Variants in PCDH15 observed in about 807,000 individuals in gnomAD.
PCDH15 encodes protocadherin-15.
A neutral mutation model predicts 178.5 loss-of-function variants in PCDH15; 129 were observed. The observed-to-expected ratio is 0.72, with a 90% CI of 0.63 to 0.84. PCDH15 has a LOEUF of 0.84. PCDH15 is among the 40% of genes least tolerant of loss of function. The pLI is 0.00. For synonymous variants in PCDH15, 800 were observed against 732.0 expected (o/e 1.09, Z -1.50); for missense variants, 2,230 against 2,099.9 (o/e 1.06, Z -1.21).
intron 18 of PCDH15, among the ~76,000 whole-genome samples, chr10:54,025,291 C>G (rs1467151066): frequency 6.6e-6 from 1 of 152,068 alleles, no homozygotes; most frequent in Non-Finnish European, 1.5e-5. Context: ...CTCTATAGGT[C>G]AAAAATTCAA....
chr10:54,429,555 A>T (rs9416337), intron 3 of PCDH15, among the ~76,000 whole-genome samples: 8,038 of 150,670 alleles, frequency 0.053, 717 homozygotes, highest in African/African-American at 0.19. Flanking sequence ...GAATGGATTT[A>T]AAAAAAAAGA....
intron 3 of PCDH15, among the ~76,000 whole-genome samples, chr10:54,421,730 ATATATACACAC>A (rs199969784): frequency 0.23 from 27,247 of 119,320 alleles, 4,117 homozygotes; most frequent in African/African-American, 0.37. Flanking sequence ...TTTTTGTGTT[ATATATACACAC>A]TATATACACA....
chr10:55,219,948 T>C (rs1935331036), intron 1 of PCDH15, among the ~76,000 whole-genome samples: 1 of 151,384 alleles, frequency 6.6e-6, no homozygotes, highest in South Asian at 2.1e-4. Flanking sequence ...TCAATAAATG[T>C]TCTATTTATA....
At chr10:55,466,844 C>A (rs931753248) in intron 2 of PCDH15, among the ~76,000 whole-genome samples, 1 of 152,186 alleles carries the variant, frequency 6.6e-6, no homozygotes, top group African/African-American at 2.4e-5. Context: ...TATGGGCAAT[C>A]TTTGTCAAGT....
intron 1 of PCDH15, chr10:55,319,528 A>G (rs1207451465): frequency 1.3e-5 from 2 of 152,232 alleles, no homozygotes; most frequent in Non-Finnish European, 2.9e-5. Context: ...ACGCACTCCA[A>G]GCAGATCTTC....
At chr10:55,011,765 T>A (rs1296751865) in intron 2 of PCDH15, among the ~76,000 whole-genome samples, 1 of 151,792 alleles carries the variant, frequency 6.6e-6, no homozygotes, top group Non-Finnish European at 1.5e-5. Context: ...TCAAAGAAAA[T>A]TTTAAACATC....
At chr10:55,035,336 T>C (rs1352900856) in intron 2 of PCDH15, among the ~76,000 whole-genome samples, 2 of 152,130 alleles carry the variant, frequency 1.3e-5, no homozygotes, top group African/African-American at 4.8e-5. Flanking sequence ...AAATAAAAAC[T>C]TCCTGGGCAT....
At chr10:54,746,368 AC>A (rs1945462612) in intron 1 of PCDH15, among the ~76,000 whole-genome samples, 1 of 570 alleles carries the variant, frequency 1.8e-3, no homozygotes, top group Non-Finnish European at 0.5. Context: ...GTACAAACAT[AC>A]AGTTAGATGA....
At chr10:54,621,886 T>G (rs1348371551) in intron 2 of PCDH15, among the ~76,000 whole-genome samples, 31 of 152,068 alleles carry the variant, frequency 2.0e-4, no homozygotes, top group Admixed American at 2.0e-3. Context: ...GGAAGAAACA[T>G]TAGAGAAAGG....
intron 32 of PCDH15, among the ~76,000 whole-genome samples, chr10:53,824,723 TAAAC>T (rs781733285): frequency 4.6e-5 from 7 of 152,098 alleles, no homozygotes; most frequent in Non-Finnish European, 8.8e-5. Flanking sequence ...GTTGTTTTTG[TAAAC>T]AAACATTTGT....
chr10:54,325,695 G>T (rs991138080), intron 7 of PCDH15, among the ~76,000 whole-genome samples: 4 of 152,044 alleles, frequency 2.6e-5, no homozygotes, highest in Non-Finnish European at 4.4e-5. Context: ...GTTGCAGTAA[G>T]CTGAGATCAT....
At chr10:54,703,239 G>C (rs562585930) in intron 1 of PCDH15, among the ~76,000 whole-genome samples, 2 of 151,998 alleles carry the variant, frequency 1.3e-5, no homozygotes, top group Admixed American at 1.3e-4. Flanking sequence ...AAAATAGTAA[G>C]AGCCGTCTAT....
At position 54,277,302 on chromosome 10, in the gene PCDH15, T is replaced by A. The variant is rs375989009; in HGVS notation, c.876+39969A>T. On this transcript the variant is annotated intron_variant, in intron 8 of 37. Coordinates refer to ENST00000644397, the MANE Select transcript of PCDH15 (RefSeq NM_001384140.1). ...ATGAATCCTAAAATATATGATATAG[T>A]CTTAGTGATCATTGGGTGAGTGGCA... Among the ~76,000 whole-genome samples the A allele has an allele frequency of 1.1e-3, 168 of 151,654 alleles. 1 individual carries two copies. In the South Asian group the frequency reaches 0.031, roughly 28 times the overall value.
intron 5 of PCDH15, among the ~76,000 whole-genome samples, chr10:54,364,696 T>G (rs1437119509): frequency 6.6e-6 from 1 of 152,164 alleles, no homozygotes; most frequent in Admixed American, 6.6e-5. Context: ...TATCATAAAT[T>G]TTGTGGCTTA....
chr10:54,272,958 T>G (rs559619455), intron 8 of PCDH15, among the ~76,000 whole-genome samples: 17 of 152,284 alleles, frequency 1.1e-4, no homozygotes, highest in African/African-American at 4.1e-4. Context: ...TCTAGTGAAT[T>G]GATTATCAGA....
chr10:53,971,826 A>G lies in PCDH15; in HGVS notation c.2869-9934T>C, dbSNP rs566490211. Among the ~76,000 whole-genome samples the G allele has an allele frequency of 2.8e-3, 423 of 152,270 alleles. 3 individuals carry two copies. Among genetic ancestry groups the G allele is most frequent in the African/African-American group, 9.7e-3 (405 of 41,558 alleles). ...ATGGAAGAACATTCCATGCTCATGG[A>G]TACGAAGAATCAATACCATGAAAAT... On this transcript the variant is annotated intron_variant, in intron 21 of 37. Transcript: ENST00000644397.
At chr10:54,791,601 G>C (rs1203249872) in intron 1 of PCDH15, among the ~76,000 whole-genome samples, 2 of 151,842 alleles carry the variant, frequency 1.3e-5, no homozygotes, top group Non-Finnish European at 2.9e-5. Context: ...TTAAAAATGA[G>C]ATCTTAATTT....
chr10:54,203,916 C>A (rs1277981237), intron 10 of PCDH15, among the ~76,000 whole-genome samples: 1 of 152,054 alleles, frequency 6.6e-6, no homozygotes, highest in Non-Finnish European at 1.5e-5. Context: ...AGATTGTTTG[C>A]TTTGGTTAAT....
At chr10:55,386,295 T>A (rs1169251817) in intron 2 of PCDH15, among the ~76,000 whole-genome samples, 2 of 151,968 alleles carry the variant, frequency 1.3e-5, no homozygotes, top group Admixed American at 1.3e-4. Flanking sequence ...AAATATAAAT[T>A]CAGAAATAAA....
Sources: allele counts gnomAD v4.1 joint callset (sites outside exome capture counted in the v4.1 genomes callset), GRCh38; gene constraint gnomAD v4.1.1; transcripts MANE v1.5; gene names NCBI Gene and HGNC (gene_info 2026-07-23, HGNC 2026-07-21).